Variants in HIVEP1 observed in about 807,000 individuals in gnomAD.
HIVEP1 encodes zinc finger protein 40.
Under a neutral mutation model 180.0 loss-of-function variants are expected in HIVEP1, and 36 were observed. The observed-to-expected ratio is 0.20, with a 90% CI of 0.15 to 0.26. The LOEUF is 0.26. Ranked by LOEUF, HIVEP1 falls within the 10% of genes least tolerant of loss-of-function variation. The pLI is 1.00. For missense variants in HIVEP1, 3,143 were observed against 3,268.7 expected, an observed-to-expected ratio of 0.96 and a Z score of 0.94; for synonymous variants, 1,239 against 1,239.0, an observed-to-expected ratio of 1.00 and a Z score of 0.00.
At chr6:12,074,981 T>C (rs916441122) in intron 2 of HIVEP1, among the ~76,000 whole-genome samples, 14 of 152,302 alleles carry the variant, frequency 9.2e-5, no homozygotes, top group Non-Finnish European at 2.1e-4. Flanking sequence ...TTAGATATCG[T>C]TTAAATTTCA....
intron 6 of HIVEP1, among the ~76,000 whole-genome samples, chr6:12,133,835 T>G (rs1032825210): frequency 1.3e-5 from 2 of 151,984 alleles, no homozygotes; most frequent in African/African-American, 4.8e-5. Flanking sequence ...AAAATTAGCC[T>G]GGCGCAGTGG....
At chr6:12,009,512 C>T (rs988950306), upstream of HIVEP1, among the ~76,000 whole-genome samples, 2 of 152,202 alleles carry the variant, frequency 1.3e-5, no homozygotes, top group Non-Finnish European at 2.9e-5. Flanking sequence ...CCTGCATTGT[C>T]CCAGGATTTT....
At chr6:12,208,553 A>G in the HIVEP1 span, among the ~76,000 whole-genome samples, 2 of 152,136 alleles carry the variant, frequency 1.3e-5, no homozygotes, top group Admixed American at 6.5e-5. Flanking sequence ...CCCCACATTC[A>G]TATGTTGAAG....
At chr6:12,070,342 C>A (rs1214280184) in intron 2 of HIVEP1, among the ~76,000 whole-genome samples, 1 of 152,134 alleles carries the variant, frequency 6.6e-6, no homozygotes, top group African/African-American at 2.4e-5. Context: ...ACCACAAATA[C>A]GTGATGACTG....
chr6:12,052,352 T>G (rs1770597662), intron 2 of HIVEP1, among the ~76,000 whole-genome samples: 1 of 152,228 alleles, frequency 6.6e-6, no homozygotes. Context: ...TCTGAGGGTT[T>G]TTATTAATAC....
At chr6:12,043,692 C>T (rs1456308558) in intron 2 of HIVEP1, among the ~76,000 whole-genome samples, 1 of 152,122 alleles carries the variant, frequency 6.6e-6, no homozygotes, top group East Asian at 1.9e-4. Flanking sequence ...TAAGAAGGTT[C>T]ATGATTTTCC....
chr6:12,111,618 C>T lies in HIVEP1; in HGVS notation c.95-8272C>T, dbSNP rs1474398945. 1.1e-4 allele frequency among the ~76,000 whole-genome samples: 16 copies of T among 152,320 alleles called. 2 individuals carry two copies. The highest frequency in any genetic ancestry group is 3.4e-4 in the African/African-American group (14 of 41,574). On this transcript the variant is annotated intron_variant, in intron 3 of 8. Coordinates refer to ENST00000379388, the MANE Select transcript of HIVEP1 (RefSeq NM_002114.4). ...TTTAGAGGCTACCATGTTCTTTGGA[C>T]GGGAGCTCTCTTTCTCCGTCTTGAA...
chr6:12,023,510 G>C (rs1290342908), intron 2 of HIVEP1, among the ~76,000 whole-genome samples: 1 of 152,194 alleles, frequency 6.6e-6, no homozygotes, highest in East Asian at 1.9e-4. Flanking sequence ...CTATATTGTA[G>C]CTAGAAAGGA....
chr6:12,151,661 T>G (rs1463001979), intron 7 of HIVEP1, among the ~76,000 whole-genome samples: 1 of 152,220 alleles, frequency 6.6e-6, no homozygotes, highest in East Asian at 1.9e-4. Flanking sequence ...GTGGCATAGA[T>G]GTTGGCAAAC....
chr6:12,077,666 G>A (rs577377041), intron 2 of HIVEP1, among the ~76,000 whole-genome samples: 4 of 152,292 alleles, frequency 2.6e-5, no homozygotes, highest in South Asian at 2.1e-4. Flanking sequence ...TGGTTTGGTC[G>A]TTGGGTCTAT....
At chr6:12,179,070 T>C in the HIVEP1 span, among the ~76,000 whole-genome samples, 1 of 152,168 alleles carries the variant, frequency 6.6e-6, no homozygotes, top group Non-Finnish European at 1.5e-5. Flanking sequence ...TATATCTCTA[T>C]GTAAAAGCAC....
chr6:12,015,367 G>T (rs1767675080), intron 1 of HIVEP1, among the ~76,000 whole-genome samples, 159 bp from the exon 2 acceptor site: 1 of 152,106 alleles, frequency 6.6e-6, no homozygotes, highest in African/African-American at 2.4e-5. Flanking sequence ...CTGACAAAAT[G>T]ACCTCTGTTT....
chr6:12,199,718 G>A, the HIVEP1 span, among the ~76,000 whole-genome samples: 1 of 152,148 alleles, frequency 6.6e-6, no homozygotes, highest in South Asian at 2.1e-4. Context: ...AGTGTACTAT[G>A]TCAGGTATTT....
At chr6:12,146,203 G>T (rs1221638215) in intron 7 of HIVEP1, among the ~76,000 whole-genome samples, 1 of 152,236 alleles carries the variant, frequency 6.6e-6, no homozygotes, top group Non-Finnish European at 1.5e-5. Context: ...AGCACTTTGG[G>T]AGGCCAAAGC....
At chr6:12,119,320 G>A (rs936811747) in intron 3 of HIVEP1, among the ~76,000 whole-genome samples, 1 of 152,198 alleles carries the variant, frequency 6.6e-6, no homozygotes, top group African/African-American at 2.4e-5. Context: ...TTGCAAATTC[G>A]GAGGGAGTTG....
In HIVEP1 at chr6:12,063,119, G is replaced by C. The variant is rs1467270345; in HGVS notation, c.41-26065G>C. On this transcript the variant is annotated intron_variant, in intron 2 of 8. Coordinates refer to ENST00000379388, the MANE Select transcript of HIVEP1 (RefSeq NM_002114.4). This position sits in a 1 kb window ranked among gnomAD's most constrained non-coding sequence, Gnocchi z 4.2. ...TTATGTTTTACTCTTTTTGGAAATAGTTAATAGAATAAAAGGAGGAATAAA... is the reference window on the plus strand; with the variant it reads ...TTATGTTTTACTCTTTTTGGAAATACTTAATAGAATAAAAGGAGGAATAAA... Among the ~76,000 whole-genome samples, 1 of 152,148 alleles carries C rather than the reference G, an allele frequency of 6.6e-6. No individual in the cohort carries two copies. The highest frequency in any genetic ancestry group is 6.6e-5 in the Admixed American group (1 of 15,258).
At chr6:12,022,813 T>C (rs1260432411) in intron 2 of HIVEP1, among the ~76,000 whole-genome samples, 1 of 152,248 alleles carries the variant, frequency 6.6e-6, no homozygotes, top group African/African-American at 2.4e-5. Flanking sequence ...ATTACTGACA[T>C]GTCCCATTCT....
intron 2 of HIVEP1, among the ~76,000 whole-genome samples, chr6:12,055,010 C>A (rs890093358): frequency 6.6e-6 from 1 of 152,206 alleles, no homozygotes; most frequent in Non-Finnish European, 1.5e-5. Flanking sequence ...CTGTGCAGAA[C>A]AAGATGGGCA....
At chr6:12,017,604 CGTTTTACAGAGAGCCGATTGGTCT>C (rs1209251087) in intron 2 of HIVEP1, among the ~76,000 whole-genome samples, 14 of 152,182 alleles carry the variant, frequency 9.2e-5, no homozygotes, top group African/African-American at 3.1e-4. Context: ...CTGATTGGTC[CGTTTTACAGAGAGCCGATTGGTCT>C]GTTTTACAGA....
Sources: allele counts gnomAD v4.1 joint callset (sites outside exome capture counted in the v4.1 genomes callset), GRCh38; gene constraint gnomAD v4.1.1; non-coding constraint Gnocchi (gnomAD v3.1); transcripts MANE v1.5; gene names NCBI Gene and HGNC (gene_info 2026-07-23, HGNC 2026-07-21).